The following ARNT2 variants were observed in gnomAD, a reference collection of about 807,000 sequenced individuals.
ARNT2 encodes the protein ARNT protein 2.
ARNT2 carries 36 observed loss-of-function variants against 91.7 expected under a neutral mutation model. The ratio of observed to expected loss-of-function variants is 0.39; its 90% CI spans 0.30 to 0.52. ARNT2 has a LOEUF of 0.52. ARNT2 is among the 20% of genes least tolerant of loss of function. The pLI, the probability that ARNT2 is intolerant of heterozygous loss-of-function variation, is 0.72. For synonymous variants in ARNT2, 365 were observed against 347.1 expected (o/e 1.05, Z -0.57); for missense variants, 775 against 939.3 (o/e 0.83, Z 2.29).
chr15:80,430,991 G>GT (rs1896000004), intron 1 of ARNT2, among the ~76,000 whole-genome samples: 1 of 152,102 alleles, frequency 6.6e-6, no homozygotes, highest in African/African-American at 2.4e-5. Context: ...CTGTCCCAGG[G>GT]TTTTTTCCCA....
At chr15:80,517,204 G>A (rs186887232) in intron 8 of ARNT2, among the ~76,000 whole-genome samples, 1 of 152,074 alleles carries the variant, frequency 6.6e-6, no homozygotes. Context: ...TTGAAGGATT[G>A]AAATTATGAG....
rs886229784 is a variant in ARNT2 at position 80,457,980 on chromosome 15, A to G, written c.194+4A>G. The G allele has an allele frequency of 6.2e-7, 1 of 1,613,288 alleles. No individual in the cohort carries two copies. Among genetic ancestry groups the G allele is most frequent in the Non-Finnish European group, 8.5e-7 (1 of 1,179,358 alleles). On this transcript the variant is annotated splice_donor_region_variant and intron_variant, in intron 3 of 18. Transcript: ENST00000303329. ...AAGGCCCCAGTAAATTTTCAAGGTA[A>G]GTTTATTTTATTTTCCTTAGACTTA...
chr15:80,545,438 C>T (rs1245256782), intron 8 of ARNT2, among the ~76,000 whole-genome samples: 1 of 152,156 alleles, frequency 6.6e-6, no homozygotes, highest in African/African-American at 2.4e-5. Context: ...TCATGAAAAG[C>T]CATGTGTGCT....
At chr15:80,504,395 G>A (rs1009378746) in intron 5 of ARNT2, among the ~76,000 whole-genome samples, 4 of 152,188 alleles carry the variant, frequency 2.6e-5, no homozygotes, top group Non-Finnish European at 5.9e-5. Context: ...GCTTACATTA[G>A]TGTCTCTCAC....
rs142915335 is a variant in ARNT2, at chr15:80,453,481, C to T, written c.146+2487C>T. Among the ~76,000 whole-genome samples, 577 of 152,300 alleles carry T rather than the reference C, an allele frequency of 3.8e-3. 1 individual carries two copies. The highest frequency in any genetic ancestry group is 0.01 in the Middle Eastern group (3 of 294). On this transcript the variant is annotated intron_variant, in intron 2 of 18. Coordinates refer to ENST00000303329, the MANE Select transcript of ARNT2 (RefSeq NM_014862.4). ...AACCTCCATTTTTACAGGGCCGTTT[C>T]CATAGTAATTCTTGCATCTGACGTT...
At chr15:80,465,130 T>C (rs1348309731) in intron 3 of ARNT2, among the ~76,000 whole-genome samples, 1 of 152,208 alleles carries the variant, frequency 6.6e-6, no homozygotes, top group African/African-American at 2.4e-5. Context: ...CAGAAAGCCT[T>C]GTTTGTTCAG....
rs533099588 is a variant in ARNT2, at chr15:80,440,356, C to T, written c.32-10524C>T. ...TCCAGAATCATATCCTTGACAGCAG[C>T]CTCTCCACTTTTCTTCCATTGGAAT... On this transcript the variant is annotated intron_variant, in intron 1 of 18. Coordinates refer to ENST00000303329, the MANE Select transcript of ARNT2 (RefSeq NM_014862.4). 2.9e-4 allele frequency among the ~76,000 whole-genome samples: 44 copies of T among 152,346 alleles called. 1 individual carries two copies. The South Asian group carries it at 7.3e-3, about 25-fold the overall frequency.
At chr15:80,555,467 A>C in intron 11 of ARNT2, 1 of 277,136 alleles carries the variant, frequency 3.6e-6, no homozygotes, top group Non-Finnish European at 7.0e-6. Flanking sequence ...TTAAAGGATG[A>C]GCATAGAATA....
At position 80,404,397 on chromosome 15, in the gene ARNT2, C is replaced by G. The variant is rs1335052885; in HGVS notation, c.-119C>G. The G allele has an allele frequency of 5.8e-5, 31 of 533,218 alleles. No homozygotes were observed. The highest frequency in any genetic ancestry group is 6.8e-5 in the Non-Finnish European group (28 of 409,998). The allele number at this position is 533,218 out of a possible 1,614,324, so 33.0% of individuals were successfully genotyped here. A position where few individuals can be genotyped will look rare whatever the true frequency, so the allele number is the denominator to read the frequency against. On this transcript the variant is annotated 5_prime_UTR_variant, in exon 1 of 19. Coordinates refer to ENST00000303329, the MANE Select transcript of ARNT2 (RefSeq NM_014862.4). The surrounding 1 kb of genome is among the most constrained non-coding windows in gnomAD (Gnocchi z 5.5). ...CGGAGGGAGCGCCGCCCGCCCGCGC[C>G]GTCCTTTGTGTGGCGGCGGCGGCGC...
chr15:80,543,946 G>A (rs1897951656), intron 8 of ARNT2, among the ~76,000 whole-genome samples: 1 of 152,000 alleles, frequency 6.6e-6, no homozygotes, highest in Non-Finnish European at 1.5e-5. Context: ...TCACCATGTT[G>A]GTCAGGCTGG....
chr15:80,437,952 CACACACACAG>C (rs998953423), intron 1 of ARNT2, among the ~76,000 whole-genome samples: 9 of 151,948 alleles, frequency 5.9e-5, no homozygotes, highest in Non-Finnish European at 1.2e-4. Context: ...CACACACACA[CACACACACAG>C]AGTCTCTTTC....
rs188555969 is a variant in ARNT2 at position 80,477,940 on chromosome 15, G to A, written c.622+2717G>A. 1.9e-3 allele frequency among the ~76,000 whole-genome samples: 283 copies of A among 152,322 alleles called. 1 individual carries two copies. The highest frequency in any genetic ancestry group is 6.4e-3 in the African/African-American group (267 of 41,568). On this transcript the variant is annotated intron_variant, in intron 5 of 18. Coordinates refer to ENST00000303329, the MANE Select transcript of ARNT2 (RefSeq NM_014862.4). ...GATCAAAGATGTAAAAAAGGAGGAA[G>A]AGGATAGAGAATTAAGGTGTAAAGA...
chr15:80,519,303 A>G (rs956272505), intron 8 of ARNT2, among the ~76,000 whole-genome samples: 2 of 152,194 alleles, frequency 1.3e-5, no homozygotes, highest in African/African-American at 4.8e-5. Context: ...AAAAGGGTGG[A>G]TATGGGGGGA....
chr15:80,536,013 C>T (rs547950492), intron 8 of ARNT2, among the ~76,000 whole-genome samples: 22 of 152,142 alleles, frequency 1.4e-4, no homozygotes, highest in Non-Finnish European at 2.1e-4. Context: ...GCTTTTACAC[C>T]GACCCAATCC....
intron 8 of ARNT2, among the ~76,000 whole-genome samples, chr15:80,548,738 T>G (rs890652408): frequency 6.6e-6 from 1 of 152,116 alleles, no homozygotes; most frequent in Non-Finnish European, 1.5e-5. Flanking sequence ...AAAACAGTCC[T>G]GAAAGACACA....
At chr15:80,429,315 C>G (rs1895976217) in intron 1 of ARNT2, among the ~76,000 whole-genome samples, 1 of 152,148 alleles carries the variant, frequency 6.6e-6, no homozygotes, top group Non-Finnish European at 1.5e-5. Context: ...GGGAAAGGAG[C>G]TAGTGATCAA....
chr15:80,506,682 G>C (rs12439449), intron 5 of ARNT2, among the ~76,000 whole-genome samples: 42,633 of 152,106 alleles, frequency 0.28, 7,011 homozygotes, highest in East Asian at 0.64. Context: ...TTATCAGCTG[G>C]AGATGGACAT....
intron 1 of ARNT2, among the ~76,000 whole-genome samples, chr15:80,428,617 C>A (rs764559765): frequency 3.9e-5 from 6 of 152,214 alleles, no homozygotes; most frequent in Non-Finnish European, 8.8e-5. Context: ...AGACTTTAAG[C>A]CAGTCTTCCA....
At chr15:80,432,000 C>T (rs946450796) in intron 1 of ARNT2, among the ~76,000 whole-genome samples, 1 of 152,198 alleles carries the variant, frequency 6.6e-6, no homozygotes. Context: ...GGTATGTCAG[C>T]CTAAATGGCC....
Sources: allele counts gnomAD v4.1 joint callset (sites outside exome capture counted in the v4.1 genomes callset), GRCh38; gene constraint gnomAD v4.1.1; non-coding constraint Gnocchi (gnomAD v3.1); transcripts MANE v1.5; gene names NCBI Gene and HGNC (gene_info 2026-07-23, HGNC 2026-07-21).